Variants in PCGF3 observed in about 807,000 individuals in gnomAD.
The protein encoded by PCGF3 is polycomb group ring finger 3, also known as polycomb group RING finger protein 3.
In PCGF3, 7 loss-of-function variants were observed where a neutral mutation model predicts 33.1. That is an observed-to-expected ratio of 0.21 (90% CI 0.12 to 0.40). PCGF3 has a LOEUF of 0.40. Ranked by LOEUF, PCGF3 falls within the 10% of genes least tolerant of loss-of-function variation. The probability of loss-of-function intolerance (pLI) is 1.00; values close to 1 mark genes in which losing one functional copy is unlikely to be tolerated. For missense variants in PCGF3, 211 were observed against 313.3 expected, an observed-to-expected ratio of 0.67 and a Z score of 2.46; for synonymous variants, 153 against 121.3, an observed-to-expected ratio of 1.26 and a Z score of -1.72.
chr4:707,509 T>TC (rs1457523325), intron 1 of PCGF3, among the ~76,000 whole-genome samples: 1 of 144,376 alleles, frequency 6.9e-6, no homozygotes, highest in Non-Finnish European at 1.5e-5. Flanking sequence ...CAGCCTGTTT[T>TC]CACCCGGGGG....
chr4:761,142 GA>G, intron 8 of PCGF3, 136 bp from the exon 9 acceptor site: 1 of 553,080 alleles, frequency 1.8e-6, no homozygotes, highest in East Asian at 3.4e-5. Context: ...CTGCAGTGTT[GA>G]AGTCAAAGCA....
chr4:735,893 C>G (rs1292297887), intron 5 of PCGF3, among the ~76,000 whole-genome samples: 1 of 152,164 alleles, frequency 6.6e-6, no homozygotes, highest in Non-Finnish European at 1.5e-5. Context: ...GGTTCTCACA[C>G]AGATTTGGGA....
At chr4:737,361 G>GC in intron 5 of PCGF3, 105 bp from the exon 6 acceptor site, 1 of 781,758 alleles carries the variant, frequency 1.3e-6, no homozygotes, top group Non-Finnish European at 2.2e-6. Flanking sequence ...TTCCAACAAA[G>GC]CTCCAGACTG....
intron 7 of PCGF3, chr4:743,847 A>G (rs986409356): frequency 1.7e-5 from 6 of 363,006 alleles, no homozygotes; most frequent in South Asian, 4.1e-5. Flanking sequence ...CAGGGTTCAG[A>G]AGGCCTGTGG....
intron 1 of PCGF3, among the ~76,000 whole-genome samples, chr4:714,543 T>TCC (rs1742721654): frequency 2.6e-5 from 4 of 152,184 alleles, no homozygotes; most frequent in Admixed American, 2.6e-4. Flanking sequence ...CCAGCTGTCT[T>TCC]GAGAATGTCT....
chr4:739,114 G>C (rs1039715078), intron 6 of PCGF3, among the ~76,000 whole-genome samples: 1 of 152,186 alleles, frequency 6.6e-6, no homozygotes, highest in Non-Finnish European at 1.5e-5. Flanking sequence ...ATAATGTTTA[G>C]GAAAATAGTA....
intron 1 of PCGF3, among the ~76,000 whole-genome samples, chr4:707,107 C>T (rs1413136265): frequency 6.6e-6 from 1 of 152,110 alleles, no homozygotes; most frequent in Non-Finnish European, 1.5e-5. Context: ...AGTGCTAGGA[C>T]ACAATGACAC....
chr4:750,322 A>C (rs1240907063), intron 8 of PCGF3, among the ~76,000 whole-genome samples: 1 of 152,194 alleles, frequency 6.6e-6, no homozygotes, highest in Non-Finnish European at 1.5e-5. Context: ...CCGGGCGGTC[A>C]GGGAGTGTTG....
Position 711,996 on chromosome 4 carries a change from T to A in PCGF3, c.-190+6026T>A, listed in dbSNP as rs148575244. Among the ~76,000 whole-genome samples the A allele has an allele frequency of 8.8e-3, 1,335 of 152,196 alleles. 19 individuals are homozygous for A. Among genetic ancestry groups the A allele is most frequent in the African/African-American group, 0.029 (1,202 of 41,522 alleles). On this transcript the variant is annotated intron_variant, in intron 1 of 10. Coordinates refer to ENST00000362003, the Ensembl canonical transcript of PCGF3. ...AAAAAAAAAGAAAAGAAAATGTAAT[T>A]TTTCTTTTACCATTGAAATATAGTG...
intron 8 of PCGF3, among the ~76,000 whole-genome samples, chr4:756,182 T>G (rs905259705): frequency 2.0e-5 from 3 of 151,202 alleles, no homozygotes; most frequent in Admixed American, 6.6e-5. Context: ...CCCAAAATGC[T>G]GGGATTACAG....
At chr4:751,631 C>A (rs1424940789) in intron 8 of PCGF3, among the ~76,000 whole-genome samples, 2 of 150,624 alleles carry the variant, frequency 1.3e-5, no homozygotes, top group South Asian at 2.1e-4. Flanking sequence ...AAAAAAAAAA[C>A]ATATGAGGGA....
At chr4:765,329 A>C (rs774332140) in intron 10 of PCGF3, among the ~76,000 whole-genome samples, 4 of 152,136 alleles carry the variant, frequency 2.6e-5, no homozygotes, top group Non-Finnish European at 5.9e-5. Flanking sequence ...GCTACTCAGG[A>C]GGCTGAGGCA....
At chr4:753,643 C>CAA (rs777114866) in intron 8 of PCGF3, among the ~76,000 whole-genome samples, 20 of 110,138 alleles carry the variant, frequency 1.8e-4, no homozygotes, top group African/African-American at 4.8e-4. Flanking sequence ...AGTCCGGTCT[C>CAA]AAAAAAAAAA....
At chr4:765,911 G>A in intron 10 of PCGF3, 121 bp from the exon 11 acceptor site, 1 of 842,366 alleles carries the variant, frequency 1.2e-6, no homozygotes, top group African/African-American at 1.7e-5. Context: ...GGGTCTCTGT[G>A]CAGCCCTGCA....
At chr4:770,016 G>C (rs1402435974) in exon 11 of PCGF3, 1 of 152,602 alleles carries the variant, frequency 6.6e-6, no homozygotes, top group African/African-American at 2.4e-5. Flanking sequence ...TTGATTTTAT[G>C]ATAGTGAAGC....
Position 720,975 on chromosome 4 carries a change from C to T in PCGF3, c.-189-9655C>T, listed in dbSNP as rs961528865. Among the ~76,000 whole-genome samples the T allele has an allele frequency of 3.3e-5, 5 of 152,156 alleles. No homozygotes were observed. The highest frequency in any genetic ancestry group is 1.9e-4 in the East Asian group (1 of 5,166). On this transcript the variant is annotated intron_variant, in intron 1 of 10. Transcript: ENST00000362003. This position sits in a 1 kb window ranked among gnomAD's most constrained non-coding sequence, Gnocchi z 5.6. ...GCTCTGGCATGGTCCAGGGAGTGGC[C>T]GAGGACAGCAAGGAGGAGATGACCC...
At chr4:732,993 G>A (rs1361111093) in intron 3 of PCGF3, among the ~76,000 whole-genome samples, 2 of 151,632 alleles carry the variant, frequency 1.3e-5, no homozygotes, top group Non-Finnish European at 2.9e-5. Flanking sequence ...GTCAAGGCAG[G>A]GCCTCTGCCA....
intron 1 of PCGF3, among the ~76,000 whole-genome samples, chr4:727,335 G>T (rs1041103082): frequency 1.4e-5 from 2 of 146,688 alleles, no homozygotes; most frequent in Admixed American, 7.1e-5. Context: ...CCGCCTCCCG[G>T]GTTCAGGCGA....
At chr4:727,344 G>A (rs1297592747) in intron 1 of PCGF3, among the ~76,000 whole-genome samples, 2 of 147,074 alleles carry the variant, frequency 1.4e-5, no homozygotes, top group Admixed American at 7.0e-5. Flanking sequence ...GGGTTCAGGC[G>A]ATTCTCCTGC....
Sources: gnomAD v4.1 joint callset for allele counts (sites outside exome capture counted in the v4.1 genomes callset) on GRCh38, gnomAD v4.1.1 for gene constraint, Gnocchi (gnomAD v3.1) non-coding constraint, MANE v1.5 for transcripts, NCBI Gene and HGNC (gene_info 2026-07-23, HGNC 2026-07-21) for gene names.